LRRTM4: variants seen among roughly 807,000 people sequenced by gnomAD.
The protein encoded by LRRTM4 is leucine rich repeat transmembrane neuronal 4, also known as leucine-rich repeat transmembrane neuronal protein 4.
Under a neutral mutation model 47.6 loss-of-function variants are expected in LRRTM4, and 25 were observed. That is an observed-to-expected ratio of 0.53 (90% CI 0.38 to 0.73). LRRTM4 has a LOEUF of 0.73. LRRTM4 is among the 30% of genes least tolerant of loss of function. The probability of loss-of-function intolerance (pLI) is 0.00; values close to 1 mark genes in which losing one functional copy is unlikely to be tolerated. For synonymous variants in LRRTM4, 311 were observed against 269.5 expected, an observed-to-expected ratio of 1.15 and a Z score of -1.51; for missense variants, 638 against 713.4, an observed-to-expected ratio of 0.89 and a Z score of 1.20.
At chr2:77,171,797 G>T (rs1434815185) in intron 3 of LRRTM4, among the ~76,000 whole-genome samples, 1 of 151,914 alleles carries the variant, frequency 6.6e-6, no homozygotes, top group Non-Finnish European at 1.5e-5. Context: ...AAAAGAAAAA[G>T]TCATGAAAGG....
chr2:77,128,099 C>T (rs1240430077), intron 3 of LRRTM4, among the ~76,000 whole-genome samples: 8 of 151,208 alleles, frequency 5.3e-5, no homozygotes, highest in Non-Finnish European at 7.4e-5. Context: ...GCCAAGATCG[C>T]GCCACTGCAC....
chr2:77,002,724 C>T (rs1677478370), intron 3 of LRRTM4, among the ~76,000 whole-genome samples: 1 of 152,084 alleles, frequency 6.6e-6, no homozygotes, highest in Non-Finnish European at 1.5e-5. Flanking sequence ...TGTCCTTGCT[C>T]TCACCTCCTC....
intron 3 of LRRTM4, among the ~76,000 whole-genome samples, chr2:77,170,139 T>C (rs1234299728): frequency 6.6e-6 from 1 of 152,124 alleles, no homozygotes; most frequent in Non-Finnish European, 1.5e-5. Flanking sequence ...AGGGTTAGGG[T>C]GTTAGAGACG....
At chr2:76,853,018 G>A (rs1382208300) in intron 3 of LRRTM4, among the ~76,000 whole-genome samples, 1 of 152,088 alleles carries the variant, frequency 6.6e-6, no homozygotes, top group Non-Finnish European at 1.5e-5. Flanking sequence ...GTGTACTAGA[G>A]CAGGTAGAAT....
At chr2:77,145,924 A>T (rs1249913907) in intron 3 of LRRTM4, among the ~76,000 whole-genome samples, 1 of 152,154 alleles carries the variant, frequency 6.6e-6, no homozygotes, top group African/African-American at 2.4e-5. Context: ...TCGAAAAAAA[A>T]TTTAAGATCA....
At chr2:77,355,781 G>A (rs1254802863) in intron 3 of LRRTM4, among the ~76,000 whole-genome samples, 3 of 152,114 alleles carry the variant, frequency 2.0e-5, no homozygotes, top group Admixed American at 6.5e-5. Context: ...ACTCTCTTTG[G>A]AGTTTATATT....
intron 3 of LRRTM4, among the ~76,000 whole-genome samples, chr2:77,226,932 A>G (rs1205019556): frequency 1.3e-5 from 2 of 151,974 alleles, no homozygotes; most frequent in Non-Finnish European, 2.9e-5. Context: ...TCAACATCCA[A>G]TACCTCTCTC....
chr2:76,898,929 T>C (rs1346542117), intron 3 of LRRTM4, among the ~76,000 whole-genome samples: 1 of 152,006 alleles, frequency 6.6e-6, no homozygotes, highest in East Asian at 1.9e-4. Context: ...TTCACATATT[T>C]TGAAAGGTTA....
rs569010833 is a variant in LRRTM4 at position 77,433,440 on chromosome 2, G to A, written c.1551+84878C>T. Among the ~76,000 whole-genome samples, 21 of 152,254 alleles carry A rather than the reference G, an allele frequency of 1.4e-4. 1 individual carries two copies. Among genetic ancestry groups the A allele is most frequent in the African/African-American group, 5.1e-4 (21 of 41,550 alleles). On this transcript the variant is annotated intron_variant, in intron 3 of 3. Coordinates refer to ENST00000409884, the MANE Select transcript of LRRTM4 (RefSeq NM_001134745.3). ...CTTTAAAATCAAAACGGATTGCCAA[G>A]TTCAGAGAAAGCTTATCTTCCATCT...
At chr2:77,086,317 T>G (rs532987394) in intron 3 of LRRTM4, among the ~76,000 whole-genome samples, 240 of 152,152 alleles carry the variant, frequency 1.6e-3, no homozygotes, top group Non-Finnish European at 2.4e-3. Flanking sequence ...CAGAGGCAAG[T>G]TTAGGTTGTC....
In LRRTM4 at chr2:77,488,581, C is replaced by G. The variant is rs772377011; in HGVS notation, c.1551+29737G>C. 1.6e-4 allele frequency among the ~76,000 whole-genome samples: 24 copies of G among 152,282 alleles called. No individual in the cohort carries two copies. In the South Asian group the frequency reaches 5.0e-3, roughly 32 times the overall value. On this transcript the variant is annotated intron_variant, in intron 3 of 3. Transcript: ENST00000409884. ...CCCAAGGATCCCATGACAGAAAGAG[C>G]AATGTGTTGAGACTTTAATGAAATT... is the stretch of plus-strand genomic sequence containing the variant.
chr2:76,959,077 A>G (rs1675769703), intron 3 of LRRTM4, among the ~76,000 whole-genome samples: 1 of 151,714 alleles, frequency 6.6e-6, no homozygotes, highest in South Asian at 2.1e-4. Flanking sequence ...CATGAGCATA[A>G]TCAGGCCTCT....
At chr2:76,882,625 G>A (rs1672964458) in intron 3 of LRRTM4, among the ~76,000 whole-genome samples, 1 of 152,118 alleles carries the variant, frequency 6.6e-6, no homozygotes, top group African/African-American at 2.4e-5. Flanking sequence ...GATTCTACTA[G>A]TAGCCAACTA....
At chr2:76,829,121 T>G (rs771495963) in intron 3 of LRRTM4, among the ~76,000 whole-genome samples, 40 of 152,082 alleles carry the variant, frequency 2.6e-4, no homozygotes, top group Non-Finnish European at 4.3e-4. Context: ...ATTTGCATTT[T>G]CTGCTCAAAT....
chr2:77,378,669 C>T (rs1416424800), intron 3 of LRRTM4, among the ~76,000 whole-genome samples: 1 of 152,090 alleles, frequency 6.6e-6, no homozygotes, highest in Non-Finnish European at 1.5e-5. Flanking sequence ...ACCTTATGTC[C>T]TCCACCAGCC....
chr2:77,480,970 T>A (rs1262009781), intron 3 of LRRTM4, among the ~76,000 whole-genome samples: 1 of 152,050 alleles, frequency 6.6e-6, no homozygotes, highest in East Asian at 1.9e-4. Flanking sequence ...AACTTCCCCA[T>A]GTAACAAAGC....
In LRRTM4 at chr2:77,334,914, A is replaced by G. The variant is rs553297769; in HGVS notation, c.1551+183404T>C. On this transcript the variant is annotated intron_variant, in intron 3 of 3. Transcript: ENST00000409884. ...CTCTTGCATGTGTGTTTTGGCCAAT[A>G]ATATATCTAAAATGCTTGTATGCCT... Among the ~76,000 whole-genome samples, 3 of 152,266 alleles carry G rather than the reference A, an allele frequency of 2.0e-5. No homozygotes were observed. The East Asian group carries it at 5.8e-4, about 29-fold the overall frequency.
intron 3 of LRRTM4, among the ~76,000 whole-genome samples, chr2:76,810,016 C>G (rs895865237): frequency 7.9e-5 from 12 of 152,190 alleles, no homozygotes; most frequent in Non-Finnish European, 1.5e-4. Flanking sequence ...TACATTTCTT[C>G]ATAGCATGTA....
intron 3 of LRRTM4, among the ~76,000 whole-genome samples, chr2:77,118,519 G>T (rs1003270762): frequency 4.0e-5 from 6 of 151,896 alleles, no homozygotes; most frequent in Non-Finnish European, 8.8e-5. Flanking sequence ...GATGGATGGA[G>T]CATGCAACAG....
Sources: allele counts gnomAD v4.1 joint callset (sites outside exome capture counted in the v4.1 genomes callset), GRCh38; gene constraint gnomAD v4.1.1; transcripts MANE v1.5; gene names NCBI Gene and HGNC (gene_info 2026-07-23, HGNC 2026-07-21).